Variants in UBE2E3 observed in about 807,000 individuals in gnomAD.
UBE2E3 encodes ubiquitin conjugating enzyme E2 E3, also known as ubiquitin-conjugating enzyme E2 E3.
A neutral mutation model predicts 23.6 loss-of-function variants in UBE2E3; 5 were observed. The observed-to-expected ratio is 0.21, with a 90% confidence interval of 0.11 to 0.44. The LOEUF (loss-of-function observed/expected upper bound fraction) is 0.44. Ranked by LOEUF, UBE2E3 falls within the 20% of genes least tolerant of loss-of-function variation. UBE2E3 has a pLI of 0.99. For synonymous variants in UBE2E3, 78 were observed against 87.5 expected (o/e 0.89, Z 0.60); for missense variants, 81 against 249.8 (o/e 0.32, Z 4.55).
At chr2:181,053,741 C>G (rs1038184905) in intron 3 of UBE2E3, among the ~76,000 whole-genome samples, 3 of 151,768 alleles carry the variant, frequency 2.0e-5, no homozygotes, top group African/African-American at 7.3e-5. Context: ...TGGGTTCACT[C>G]TTGATGTTGT....
chr2:181,046,702 T>A (rs1242569919), intron 3 of UBE2E3, among the ~76,000 whole-genome samples: 1 of 152,130 alleles, frequency 6.6e-6, no homozygotes, highest in East Asian at 1.9e-4. Flanking sequence ...TAAAAGCTCT[T>A]ATTAATCTGA....
chr2:181,057,060 G>A (rs997581989), intron 3 of UBE2E3, among the ~76,000 whole-genome samples: 3 of 151,654 alleles, frequency 2.0e-5, no homozygotes, highest in Non-Finnish European at 2.9e-5. Context: ...TGCAAAAAAC[G>A]TTAATGTTAT....
Position 181,035,588 on chromosome 2 carries a change from C to T in UBE2E3, c.246-22105C>T, listed in dbSNP as rs565261148. Among the ~76,000 whole-genome samples, 10 of 152,264 alleles carry T rather than the reference C, an allele frequency of 6.6e-5. No homozygotes were observed. In the South Asian group the frequency reaches 1.7e-3, roughly 25 times the overall value. ...TATATTAGTAATGATACATAGCAAG[C>T]TTGTTCAACCCATGACCCGTGGGTC... On this transcript the variant is annotated intron_variant, in intron 3 of 5. Transcript: ENST00000410062.
At chr2:181,001,042 A>G (rs1314906619) in intron 3 of UBE2E3, among the ~76,000 whole-genome samples, 1 of 152,240 alleles carries the variant, frequency 6.6e-6, no homozygotes, top group African/African-American at 2.4e-5. Context: ...GAGATGGAGA[A>G]TATGACACAC....
At chr2:180,983,327 T>C (rs1684359928) in intron 2 of UBE2E3, among the ~76,000 whole-genome samples, 1 of 152,230 alleles carries the variant, frequency 6.6e-6, no homozygotes, top group African/African-American at 2.4e-5. Context: ...ATTCTCAATT[T>C]GGTATAGTGT....
At chr2:180,987,979 ACTGT>A (rs1411526396) in intron 3 of UBE2E3, among the ~76,000 whole-genome samples, 1 of 152,172 alleles carries the variant, frequency 6.6e-6, no homozygotes, top group Non-Finnish European at 1.5e-5. Flanking sequence ...CTGGAGCAAG[ACTGT>A]CTGGTTTCAG....
chr2:181,028,167 A>G (rs775225638), intron 3 of UBE2E3, among the ~76,000 whole-genome samples: 16 of 152,060 alleles, frequency 1.1e-4, no homozygotes, highest in Non-Finnish European at 1.8e-4. Context: ...TTACCTATTA[A>G]TGTAATTATT....
chr2:181,002,090 T>C (rs1367118566), intron 3 of UBE2E3, among the ~76,000 whole-genome samples: 2 of 152,178 alleles, frequency 1.3e-5, no homozygotes, highest in African/African-American at 2.4e-5. Context: ...GAAATACATA[T>C]GGCCTTCCAC....
At position 181,053,365 on chromosome 2, in the gene UBE2E3, A is replaced by G. The variant is rs546228572; in HGVS notation, c.246-4328A>G. On this transcript the variant is annotated intron_variant, in intron 3 of 5. Coordinates refer to ENST00000410062, the MANE Select transcript of UBE2E3 (RefSeq NM_006357.4). The stretch of plus-strand genomic sequence containing the variant: ...CCAGGATTTAAACCACCTTAGTTCT[A>G]TGGTCCAAATGTGTTTCAAGTTCCA... Among the ~76,000 whole-genome samples, 8 of 151,986 alleles carry G rather than the reference A, an allele frequency of 5.3e-5. No homozygotes were observed. In the East Asian group the frequency reaches 9.7e-4, roughly 18 times the overall value.
chr2:181,021,032 T>C (rs891183781), intron 3 of UBE2E3, among the ~76,000 whole-genome samples: 1 of 152,346 alleles, frequency 6.6e-6, no homozygotes, highest in East Asian at 1.9e-4. Flanking sequence ...TATTACATAC[T>C]TTGTCAATCA....
intron 5 of UBE2E3, among the ~76,000 whole-genome samples, chr2:181,062,244 T>A (rs1011935457): frequency 2.0e-5 from 3 of 151,694 alleles, no homozygotes; most frequent in African/African-American, 7.3e-5. Context: ...TTTTTGTTTT[T>A]AAACATCAAA....
intron 3 of UBE2E3, among the ~76,000 whole-genome samples, chr2:181,024,864 T>C (rs1685829348): frequency 6.6e-6 from 1 of 152,030 alleles, no homozygotes; most frequent in Non-Finnish European, 1.5e-5. Context: ...TTGCTTGAAC[T>C]GTAGTAATTC....
At chr2:181,002,544 C>T (rs1574170998) in intron 3 of UBE2E3, among the ~76,000 whole-genome samples, 1 of 151,890 alleles carries the variant, frequency 6.6e-6, no homozygotes, top group African/African-American at 2.4e-5. Context: ...ATGCATACCA[C>T]GTATGTAATT....
chr2:180,985,860 C>T (rs952195052), intron 3 of UBE2E3, among the ~76,000 whole-genome samples: 1 of 151,958 alleles, frequency 6.6e-6, no homozygotes, highest in Admixed American at 6.6e-5. Context: ...TCTAGAGAGC[C>T]TAGTAGACAT....
At chr2:180,984,123 C>T (rs773141665) in intron 3 of UBE2E3, 30 bp downstream of exon 3, 1 of 1,580,840 alleles carries the variant, frequency 6.3e-7, no homozygotes, top group Non-Finnish European at 8.7e-7. Flanking sequence ...GTTTTGGTTT[C>T]AAATTGTGGA....
At chr2:180,999,874 C>T (rs1037367392) in intron 3 of UBE2E3, among the ~76,000 whole-genome samples, 3 of 151,910 alleles carry the variant, frequency 2.0e-5, no homozygotes, top group Non-Finnish European at 4.4e-5. Context: ...GTATATTTTA[C>T]ATATAATGAT....
At chr2:181,060,588 C>T in intron 4 of UBE2E3, 77 bp from the exon 5 acceptor site, 1 of 1,310,650 alleles carries the variant, frequency 7.6e-7, no homozygotes. Flanking sequence ...TGATATATTA[C>T]CCTTCATTTT....
At chr2:181,039,450 T>TG (rs1473129636) in intron 3 of UBE2E3, among the ~76,000 whole-genome samples, 1 of 152,036 alleles carries the variant, frequency 6.6e-6, no homozygotes, top group East Asian at 1.9e-4. Context: ...CTAGAATGCC[T>TG]GTGGTCGAAT....
At chr2:181,029,659 CTTTTT>C (rs61149975) in intron 3 of UBE2E3, among the ~76,000 whole-genome samples, 33 of 116,846 alleles carry the variant, frequency 2.8e-4, no homozygotes, top group African/African-American at 3.0e-4. Context: ...TGTAGACAAT[CTTTTT>C]TTTTTTTTTT....
Sources: allele counts gnomAD v4.1 joint callset (sites outside exome capture counted in the v4.1 genomes callset), GRCh38; gene constraint gnomAD v4.1.1; transcripts MANE v1.5; gene names NCBI Gene and HGNC (gene_info 2026-07-23, HGNC 2026-07-21).